C5: variants seen among roughly 807,000 people sequenced by gnomAD.
C5 encodes the protein C3 and PZP-like alpha-2-macroglobulin domain-containing protein 4.
C5 carries 140 observed loss-of-function variants against 218.8 expected under a neutral mutation model. The ratio of observed to expected loss-of-function variants is 0.64; its 90% confidence interval spans 0.56 to 0.74. The LOEUF is 0.74. C5 is among the 30% of genes least tolerant of loss of function. The pLI is 0.00. For synonymous variants in C5, 614 were observed against 682.3 expected (o/e 0.90, Z 1.56); for missense variants, 1,700 against 1,969.6 (o/e 0.86, Z 2.59).
At chr9:121,044,227 C>A (rs1434063469) in intron 2 of C5, among the ~76,000 whole-genome samples, 2 of 152,146 alleles carry the variant, frequency 1.3e-5, no homozygotes, top group South Asian at 2.1e-4. Context: ...GTAATCCCAG[C>A]ACTTTGGGAG....
chr9:121,071,753 C>G, the C5 span, among the ~76,000 whole-genome samples: 1 of 152,142 alleles, frequency 6.6e-6, no homozygotes, highest in Non-Finnish European at 1.5e-5. Context: ...AGTTGCCATC[C>G]CTGTCTGACA....
At chr9:121,055,686 T>C in the C5 span, among the ~76,000 whole-genome samples, 115 of 152,172 alleles carry the variant, frequency 7.6e-4, no homozygotes, top group Admixed American at 1.4e-3. Flanking sequence ...GGATTCACCA[T>C]CTGCTGACTA....
the C5 span, among the ~76,000 whole-genome samples, chr9:121,066,642 C>T: frequency 9.9e-4 from 148 of 150,192 alleles, no homozygotes; most frequent in African/African-American, 3.5e-3. Flanking sequence ...GTCGGGAGTT[C>T]GAGATCAGAC....
intron 25 of C5, 122 bp downstream of exon 25, chr9:120,988,924 A>G: frequency 1.3e-6 from 1 of 773,516 alleles, no homozygotes; most frequent in Non-Finnish European, 2.4e-6. Context: ...AGAGAAAGAG[A>G]GGAGTGAAGG....
intron 20 of C5, among the ~76,000 whole-genome samples, chr9:121,000,989 A>G (rs1391854047): frequency 1.3e-5 from 2 of 152,186 alleles, no homozygotes; most frequent in Non-Finnish European, 2.9e-5. Context: ...AAAACACAAA[A>G]CTCAAATGAC....
chr9:121,021,803 AT>A, intron 10 of C5, 109 bp from the exon 11 acceptor site: 6 of 1,098,182 alleles, frequency 5.5e-6, no homozygotes, highest in Non-Finnish European at 8.2e-6. Flanking sequence ...TTATTTATGT[AT>A]TTTTTTCTGA....
chr9:121,024,460 AT>A (rs946578706), intron 9 of C5, among the ~76,000 whole-genome samples: 6 of 152,034 alleles, frequency 3.9e-5, no homozygotes, highest in Non-Finnish European at 5.9e-5. Context: ...TAAGAATAAC[AT>A]TTGAAGCTTT....
chr9:121,013,795 A>T, intron 17 of C5, 78 bp downstream of exon 17: 1 of 1,213,416 alleles, frequency 8.2e-7, no homozygotes, highest in Non-Finnish European at 1.2e-6. Context: ...GATCATGAAA[A>T]CTGCCTTTCT....
chr9:120,957,025 A>G (rs1266404271), intron 39 of C5: 2 of 385,572 alleles, frequency 5.2e-6, no homozygotes, highest in African/African-American at 2.1e-5. Context: ...CCTAAAATAA[A>G]AGTTGTAAAG....
the C5 span, among the ~76,000 whole-genome samples, chr9:121,064,458 C>A: frequency 2.0e-5 from 3 of 152,108 alleles, no homozygotes; most frequent in Admixed American, 6.6e-5. Flanking sequence ...TATTAGACCC[C>A]AAGATTTCAG....
rs1236743628 is a variant in C5, at chr9:120,981,856, T to C, written c.3474A>G (p.Ile1158Met). 8.7e-6 allele frequency: 14 copies of C among 1,612,368 alleles called. No homozygotes were observed. The highest frequency in any genetic ancestry group is 1.2e-5 in the Non-Finnish European group (14 of 1,178,376). Reference protein sequence around the residue: ...TVIGIRKAFDICPLVKIDTAL... With the variant: ...TVIGIRKAFDMCPLVKIDTAL... ...AACTCTTACTTACCACCAGGGGGCA[T>C]ATATCGAAAGCCTTTCTAATTCCAA... The change falls in exon 27 of 41, where the codon ATA (isoleucine) becomes ATG (methionine). Residue 1158 changes from isoleucine (I) to methionine (M), a missense_variant. Coordinates refer to ENST00000223642, the MANE Select transcript of C5 (RefSeq NM_001735.3).
At chr9:120,980,026 AG>A in intron 28 of C5, 56 bp downstream of exon 28, 3 of 1,522,128 alleles carry the variant, frequency 2.0e-6, no homozygotes, top group Non-Finnish European at 2.7e-6. Context: ...TTCCCAGACT[AG>A]CAGACTTTAT....
At chr9:121,027,592 G>A (rs2047435992) in intron 7 of C5, among the ~76,000 whole-genome samples, 1 of 152,192 alleles carries the variant, frequency 6.6e-6, no homozygotes, top group Non-Finnish European at 1.5e-5. Context: ...AAGAAATGGG[G>A]AAAGGATTCC....
In C5 at chr9:121,014,021, G is replaced by A; in HGVS notation, c.2109C>T (p.Ala703=). 2 of 1,614,096 alleles carry A rather than the reference G, an allele frequency of 1.2e-6. No individual in the cohort carries two copies. The highest frequency in any genetic ancestry group is 1.7e-6 in the Non-Finnish European group (2 of 1,180,032). ...CACAGGTTTCATCATTATTAACGCA[G>A]GCTCCATCGTAACAACATTTCTTCA... is the stretch of plus-strand genomic sequence containing the variant. ...SVVKKCCYDG[A]CVNNDETCEQ... Residue 703 remains alanine (A), a synonymous_variant, in exon 17 of 41, where the codon GCC becomes GCT. Transcript: ENST00000223642.
chr9:120,970,217 T>C lies in C5; in HGVS notation c.4115A>G (p.Glu1372Gly). ...TTVVHKTSTSEEVCSFYLKID... is the reference protein window; with the variant it reads ...TTVVHKTSTSGEVCSFYLKID... Reference sequence around the variant, plus strand: ...TTTCAAATAAAAGCTGCAAACTTCCTCAGAGGTACTGGTTTTGTGAACTAC... The same window carrying C: ...TTTCAAATAAAAGCTGCAAACTTCCCCAGAGGTACTGGTTTTGTGAACTAC... Residue 1372 changes from glutamate to glycine, a missense_variant, in exon 32 of 41, where the codon GAG becomes GGG. Coordinates refer to ENST00000223642, the MANE Select transcript of C5 (RefSeq NM_001735.3). 6.2e-7 allele frequency: 1 copy of C among 1,613,516 alleles called. No individual in the cohort carries two copies. The highest frequency in any genetic ancestry group is 8.5e-7 in the Non-Finnish European group (1 of 1,179,506).
Position 120,970,151 on chromosome 9 carries a change from TA to T in C5, c.4162+18del, listed in dbSNP as rs904845395. The stretch of plus-strand genomic sequence containing the variant: ...TTTATTTTTAGCCAAAATTACAGCG[TA>T]AATCCTGCTGTTTTTACCTTCAATA... On this transcript the variant is annotated intron_variant, in intron 32 of 40. Coordinates refer to ENST00000223642, the MANE Select transcript of C5 (RefSeq NM_001735.3). 11 of 1,558,034 alleles carry T rather than the reference TA, an allele frequency of 7.1e-6. No homozygotes were observed. Among genetic ancestry groups the T allele is most frequent in the Non-Finnish European group, 8.9e-6 (10 of 1,129,366 alleles).
chr9:121,003,222 C>T (rs759136025), intron 20 of C5, among the ~76,000 whole-genome samples: 5 of 151,482 alleles, frequency 3.3e-5, no homozygotes, highest in Admixed American at 6.6e-5. Context: ...ACTTGGGAAG[C>T]GGAGGCTGCA....
rs1406339802 is a variant in C5, at chr9:121,008,495, A to G, written c.2261T>C (p.Met754Thr). The G allele has an allele frequency of 1.9e-6, 3 of 1,608,936 alleles. No homozygotes were observed. The highest frequency in any genetic ancestry group is 2.6e-6 in the Non-Finnish European group (3 of 1,175,348). Reference sequence around the variant, plus strand: ...CTTGCTTACTGGTAACAGGGTCTTCATGTCTGGACAAAAAAATCATATTCA... The same window carrying G: ...CTTGCTTACTGGTAACAGGGTCTTCGTGTCTGGACAAAAAAATCATATTCA... ...HKDMQLGRLH[M>T]KTLLPVSKPE... The change falls in exon 18 of 41, where the codon ATG (methionine) becomes ACG (threonine). Residue 754 changes from methionine to threonine, a missense_variant. By Grantham distance (81) the Met-to-Thr change is moderately conservative. Transcript: ENST00000223642.
At chr9:120,960,625 C>A (rs2046820279) in intron 37 of C5, among the ~76,000 whole-genome samples, 1 of 152,256 alleles carries the variant, frequency 6.6e-6, no homozygotes, top group African/African-American at 2.4e-5. Flanking sequence ...CGGCACAACA[C>A]AAATTCGTAA....
Sources: allele counts gnomAD v4.1 joint callset (sites outside exome capture counted in the v4.1 genomes callset), GRCh38; gene constraint gnomAD v4.1.1; transcripts MANE v1.5; gene names NCBI Gene and HGNC (gene_info 2026-07-23, HGNC 2026-07-21).